CADPS2: variants seen among roughly 807,000 people sequenced by gnomAD.
CADPS2 encodes calcium-dependent secretion activator 2.
Under a neutral mutation model 172.5 loss-of-function variants are expected in CADPS2, and 93 were observed. That is an observed-to-expected ratio of 0.54 (90% confidence interval 0.46 to 0.64). The LOEUF is 0.64. Ranked by LOEUF, CADPS2 falls within the 30% of genes least tolerant of loss-of-function variation. The pLI is 0.00. For synonymous variants in CADPS2, 546 were observed against 555.2 expected (o/e 0.98, Z 0.23); for missense variants, 1,420 against 1,565.9 (o/e 0.91, Z 1.57).
intron 6 of CADPS2, among the ~76,000 whole-genome samples, chr7:122,584,692 T>C (rs2069377010): frequency 2.6e-5 from 4 of 152,028 alleles, no homozygotes; most frequent in Admixed American, 2.0e-4. Flanking sequence ...TTTGTGACTA[T>C]AAATTTGCTT....
intron 7 of CADPS2, among the ~76,000 whole-genome samples, chr7:122,564,680 A>G (rs1452836793): frequency 2.0e-5 from 3 of 152,280 alleles, no homozygotes; most frequent in South Asian, 2.1e-4. Context: ...CCCAAAGTAA[A>G]AGAAATCAGT....
intron 1 of CADPS2, among the ~76,000 whole-genome samples, chr7:122,873,122 G>A (rs1451603046): frequency 6.6e-6 from 1 of 152,034 alleles, no homozygotes; most frequent in African/African-American, 2.4e-5. Context: ...TACTGTACTT[G>A]GCATTTCGTT....
At chr7:122,825,059 T>C (rs1209808256) in intron 1 of CADPS2, among the ~76,000 whole-genome samples, 2 of 152,024 alleles carry the variant, frequency 1.3e-5, no homozygotes, top group African/African-American at 2.4e-5. Context: ...CTTTCAAAGG[T>C]TGAATAAAGA....
chr7:122,803,156 A>C (rs564753591), intron 1 of CADPS2, among the ~76,000 whole-genome samples: 5 of 152,326 alleles, frequency 3.3e-5, no homozygotes, highest in African/African-American at 1.2e-4. Context: ...CTCAGAAAAA[A>C]ACATTCAAAA....
rs1425767681 is a variant in CADPS2 at position 122,379,459 on chromosome 7, A to G, written c.3313-17T>C. 6.4e-7 allele frequency: 1 copy of G among 1,553,286 alleles called. No homozygotes were observed. Among genetic ancestry groups the G allele is most frequent in the South Asian group, 1.1e-5 (1 of 88,288 alleles). On this transcript the variant is annotated splice_polypyrimidine_tract_variant and intron_variant, in intron 24 of 29. Transcript: ENST00000449022. The stretch of plus-strand genomic sequence containing the variant: ...GTACTGTTGCTAGATATTAAAAGAT[A>G]AAAACTCATTAGTTGACATGGACAC...
At chr7:122,432,655 A>AG (rs1285119545) in intron 17 of CADPS2, among the ~76,000 whole-genome samples, 11 of 150,878 alleles carry the variant, frequency 7.3e-5, no homozygotes, top group South Asian at 2.1e-4. Flanking sequence ...AAAAAAAAAA[A>AG]AAAAAAGAAA....
intron 27 of CADPS2, among the ~76,000 whole-genome samples, chr7:122,348,823 T>C (rs2038090405): frequency 6.6e-6 from 1 of 152,178 alleles, no homozygotes; most frequent in African/African-American, 2.4e-5. Context: ...TCATTTGGTG[T>C]ATGAAGGGTA....
intron 13 of CADPS2, among the ~76,000 whole-genome samples, chr7:122,473,875 C>A (rs2056291626): frequency 6.6e-6 from 1 of 152,068 alleles, no homozygotes. Flanking sequence ...CTTTGGATGG[C>A]TAGATGAAAC....
At chr7:122,721,744 A>G (rs2090434136) in intron 2 of CADPS2, among the ~76,000 whole-genome samples, 1 of 152,172 alleles carries the variant, frequency 6.6e-6, no homozygotes, top group African/African-American at 2.4e-5. Flanking sequence ...AAAAAAAAAG[A>G]GAATTTTACA....
intron 18 of CADPS2, among the ~76,000 whole-genome samples, chr7:122,415,601 C>CAAAAAAAAAAAAAAA (rs549530021): frequency 4.6e-5 from 3 of 64,952 alleles, no homozygotes; most frequent in Non-Finnish European, 1.0e-4. Context: ...AATACAGAAC[C>CAAAAAAAAAAAAAAA]AAAAAAAAAA....
intron 14 of CADPS2, among the ~76,000 whole-genome samples, chr7:122,461,503 A>G (rs577721539): frequency 6.6e-6 from 1 of 152,318 alleles, no homozygotes; most frequent in Non-Finnish European, 1.5e-5. Context: ...CAAAAGAACA[A>G]AAGAATCTTT....
intron 9 of CADPS2, among the ~76,000 whole-genome samples, chr7:122,502,531 A>T (rs1213374045): frequency 2.0e-5 from 3 of 151,906 alleles, no homozygotes; most frequent in Non-Finnish European, 4.4e-5. Context: ...AAACAAAATA[A>T]TTTTTTCACT....
chr7:122,882,013 CAA>C (rs1164458265), intron 1 of CADPS2, among the ~76,000 whole-genome samples: 1 of 152,036 alleles, frequency 6.6e-6, no homozygotes. Flanking sequence ...AAGATGAAAA[CAA>C]AATAAAACCT....
rs183067926 is a variant in CADPS2 at position 122,399,523 on chromosome 7, T to C, written c.2747-5941A>G. On this transcript the variant is annotated intron_variant, in intron 20 of 29. Transcript: ENST00000449022. The stretch of plus-strand genomic sequence containing the variant: ...GAAATTATGTAATATTAAAGGCAAA[T>C]AGAAAAGTCTGTAATTTTACTCAAG... Among the ~76,000 whole-genome samples the C allele has an allele frequency of 3.1e-3, 476 of 152,192 alleles. 1 individual carries two copies. The highest frequency in any genetic ancestry group is 0.011 in the African/African-American group (458 of 41,554).
chr7:122,588,350 T>C (rs570213081), intron 6 of CADPS2, among the ~76,000 whole-genome samples: 1 of 152,088 alleles, frequency 6.6e-6, no homozygotes, highest in Non-Finnish European at 1.5e-5. Context: ...TTTAAATCTT[T>C]AATCCATCTT....
intron 7 of CADPS2, among the ~76,000 whole-genome samples, chr7:122,579,199 A>C (rs1430427538): frequency 1.3e-5 from 2 of 151,980 alleles, no homozygotes; most frequent in African/African-American, 4.8e-5. Flanking sequence ...GCTCTCAGGC[A>C]GGGTTGATTT....
chr7:122,450,605 C>T (rs1353623255), intron 15 of CADPS2, among the ~76,000 whole-genome samples: 1 of 139,540 alleles, frequency 7.2e-6, no homozygotes, highest in Non-Finnish European at 1.5e-5. Flanking sequence ...TCATAGCTCA[C>T]TGCAGCCTCG....
intron 29 of CADPS2, among the ~76,000 whole-genome samples, chr7:122,324,929 C>T (rs1245318790): frequency 1.3e-5 from 2 of 151,976 alleles, no homozygotes; most frequent in African/African-American, 2.4e-5. Flanking sequence ...ATGGCCTTGC[C>T]GAACTTATGT....
chr7:122,342,467 T>C (rs1288872903), intron 28 of CADPS2, among the ~76,000 whole-genome samples: 1 of 152,202 alleles, frequency 6.6e-6, no homozygotes, highest in Non-Finnish European at 1.5e-5. Flanking sequence ...AGTTAGTTAC[T>C]ACACTCAGGG....
Sources: gnomAD v4.1 joint callset for allele counts (sites outside exome capture counted in the v4.1 genomes callset) on GRCh38, gnomAD v4.1.1 for gene constraint, MANE v1.5 for transcripts, NCBI Gene and HGNC (gene_info 2026-07-23, HGNC 2026-07-21) for gene names.